Variants in TNS1 observed in about 807,000 individuals in gnomAD.
The protein encoded by TNS1 is tensin 1.
In TNS1, 62 loss-of-function variants were observed where a neutral mutation model predicts 168.6. That is an observed-to-expected ratio of 0.37 (90% CI 0.30 to 0.45). The LOEUF (loss-of-function observed/expected upper bound fraction) is 0.45. Among genes scored for constraint, TNS1 ranks in the 20% least tolerant of loss-of-function variants. The probability of loss-of-function intolerance (pLI) is 1.00; values close to 1 mark genes in which losing one functional copy is unlikely to be tolerated. For synonymous variants in TNS1, 934 were observed against 933.2 expected (o/e 1.00, Z -0.02); for missense variants, 2,240 against 2,339.4 (o/e 0.96, Z 0.88).
intron 3 of TNS1, among the ~76,000 whole-genome samples, chr2:217,971,197 C>G (rs534137075): frequency 1.7e-4 from 26 of 152,282 alleles, no homozygotes; most frequent in African/African-American, 5.8e-4. Flanking sequence ...CAATTCCATC[C>G]CCCAAGGAAG....
At chr2:217,978,943 G>C (rs1185407313) in intron 2 of TNS1, 141 bp from the exon 3 acceptor site, 1 of 657,530 alleles carries the variant, frequency 1.5e-6, no homozygotes, top group African/African-American at 1.8e-5. Flanking sequence ...AGGAGAGAGG[G>C]AGAGAGGGAG....
At chr2:217,922,947 T>A (rs1354182063) in intron 3 of TNS1, among the ~76,000 whole-genome samples, 1 of 151,984 alleles carries the variant, frequency 6.6e-6, no homozygotes, top group Non-Finnish European at 1.5e-5. Flanking sequence ...TCTTTTTTTT[T>A]AAGCAAAGAA....
chr2:217,978,699 C>T, intron 3 of TNS1, 66 bp downstream of exon 3: 1 of 687,876 alleles, frequency 1.5e-6, no homozygotes, highest in Middle Eastern at 2.6e-4. Context: ...GCCCCCGCTC[C>T]AATCTGGGAC....
rs1951901937 is a variant in TNS1 at position 217,893,100 on chromosome 2, T to C, written c.718-88A>G. The C allele has an allele frequency of 2.6e-6, 4 of 1,525,796 alleles. No homozygotes were observed. In the Admixed American group the frequency reaches 6.8e-5, roughly 26 times the overall value. 94.5% of individuals were successfully genotyped at this position (1,525,796 alleles called of 1,614,324 possible). The stretch of plus-strand genomic sequence containing the variant: ...ATCTAGAAGCCTTGGTGGAAAAGAG[T>C]CAGGGCTGGAGAGAGGGGTGTGGAT... On this transcript the variant is annotated intron_variant, in intron 10 of 32. Coordinates refer to ENST00000682258, the MANE Select transcript of TNS1 (RefSeq NM_001387777.1).
rs1413753652 is a variant in TNS1, at chr2:217,802,208, C to T, written c.*2251G>A. The T allele has an allele frequency of 3.9e-5, 6 of 152,182 alleles. 1 individual carries two copies. The highest frequency in any genetic ancestry group is 1.3e-4 in the Admixed American group (2 of 15,274). The allele number at this position is 152,182 out of a possible 1,614,324, so 9.4% of individuals were successfully genotyped here. On this transcript the variant is annotated 3_prime_UTR_variant, in exon 33 of 33. Transcript: ENST00000682258. Reference sequence around the variant, plus strand: ...GCTAGGGAATGAGGAGAGGGGGAAACCCAGATATTTGGCTTGAATAACCCA... The same window carrying T: ...GCTAGGGAATGAGGAGAGGGGGAAATCCAGATATTTGGCTTGAATAACCCA...
chr2:217,893,591 G>T (rs1275597965), intron 9 of TNS1, 30 bp from the exon 10 acceptor site: 1 of 1,583,962 alleles, frequency 6.3e-7, no homozygotes, highest in African/African-American at 1.3e-5. Context: ...TGAGAAGAGG[G>T]CAGAAGCCCT....
chr2:217,864,194 T>C (rs746820065), intron 18 of TNS1, among the ~76,000 whole-genome samples: 2 of 152,172 alleles, frequency 1.3e-5, no homozygotes, highest in African/African-American at 4.8e-5. Context: ...GCGCTTCTGC[T>C]TCTCCCCACC....
chr2:217,825,495 G>T (rs571298988), intron 22 of TNS1, among the ~76,000 whole-genome samples: 1 of 152,270 alleles, frequency 6.6e-6, no homozygotes, highest in Non-Finnish European at 1.5e-5. Flanking sequence ...TGCTCCATTG[G>T]AATGAACCAT....
At chr2:217,945,048 C>T (rs1360708880) in intron 3 of TNS1, among the ~76,000 whole-genome samples, 3 of 152,218 alleles carry the variant, frequency 2.0e-5, no homozygotes, top group Non-Finnish European at 2.9e-5. Context: ...GACCTCGGAG[C>T]ACAGAGGTGA....
At chr2:217,904,079 G>A (rs1384352579) in intron 6 of TNS1, among the ~76,000 whole-genome samples, 1 of 152,186 alleles carries the variant, frequency 6.6e-6, no homozygotes, top group Non-Finnish European at 1.5e-5. Flanking sequence ...CCAGAGATTG[G>A]TGACCAACCT....
At chr2:217,904,050 C>T (rs1208374592) in intron 6 of TNS1, among the ~76,000 whole-genome samples, 1 of 152,186 alleles carries the variant, frequency 6.6e-6, no homozygotes, top group Non-Finnish European at 1.5e-5. Context: ...AAGCGAACAC[C>T]AGGGGCCTTG....
rs1467761431 is a variant in TNS1 at position 217,821,722 on chromosome 2, T to C, written c.3572+18A>G. On this transcript the variant is annotated intron_variant, in intron 23 of 32. Coordinates refer to ENST00000682258, the MANE Select transcript of TNS1 (RefSeq NM_001387777.1). ...GCCCGGATTCCCATCCCCCACCCAC[T>C]GCCCCTTCCCGGCTTACCTGTCAGC... is the stretch of plus-strand genomic sequence containing the variant. 1 of 1,417,400 alleles carries C rather than the reference T, an allele frequency of 7.1e-7. No individual in the cohort carries two copies. Among genetic ancestry groups the C allele is most frequent in the South Asian group, 1.7e-5 (1 of 58,808 alleles). The allele number at this position is 1,417,400 out of a possible 1,614,324, so 87.8% of individuals were successfully genotyped here.
chr2:217,894,029 T>C (rs1952018290), intron 9 of TNS1, among the ~76,000 whole-genome samples: 1 of 152,164 alleles, frequency 6.6e-6, no homozygotes, highest in African/African-American at 2.4e-5. Flanking sequence ...GGCTGCCTGA[T>C]GTTCATGACT....
At chr2:218,025,602 C>T (rs993093740) in intron 1 of TNS1, among the ~76,000 whole-genome samples, 1 of 152,102 alleles carries the variant, frequency 6.6e-6, no homozygotes, top group Admixed American at 6.5e-5. Context: ...CCAGACCCCC[C>T]CACAGGCTTG....
chr2:217,973,716 C>T (rs1957826022), intron 3 of TNS1, among the ~76,000 whole-genome samples: 1 of 152,220 alleles, frequency 6.6e-6, no homozygotes, highest in Admixed American at 6.5e-5. Context: ...GTCATGGGGC[C>T]TGGATGTTGG....
At chr2:217,815,223 C>T (rs1003043353) in intron 24 of TNS1, 2 of 538,188 alleles carry the variant, frequency 3.7e-6, no homozygotes, top group Non-Finnish European at 6.7e-6. Context: ...GAGATACACA[C>T]AGGGGAGAGC....
chr2:217,821,702 G>A, intron 23 of TNS1, 38 bp downstream of exon 23: 2 of 1,406,878 alleles, frequency 1.4e-6, no homozygotes, highest in Non-Finnish European at 1.9e-6. Context: ...CCCAGGCCCG[G>A]ATTCCCATCC....
At chr2:217,898,052 C>A in intron 7 of TNS1, 83 bp from the exon 8 acceptor site, 2 of 1,416,494 alleles carry the variant, frequency 1.4e-6, no homozygotes, top group South Asian at 1.5e-5. Context: ...CCCATACACA[C>A]CCTGTGTGAC....
chr2:217,986,436 A>G lies in TNS1; in HGVS notation c.148+4506T>C, dbSNP rs999916375. On this transcript the variant is annotated intron_variant, in intron 2 of 32. Coordinates refer to ENST00000682258, the MANE Select transcript of TNS1 (RefSeq NM_001387777.1). The surrounding 1 kb of genome is among the most constrained non-coding windows in gnomAD (Gnocchi z 4.7). ...GAAGTTTTATCCAAGTCTGGGCCCC[A>G]GATCAGGCCCTGATGGCAGCCCTCG... 6.6e-6 allele frequency among the ~76,000 whole-genome samples: 1 copy of G among 152,226 alleles called. No individual in the cohort carries two copies. Among genetic ancestry groups the G allele is most frequent in the Non-Finnish European group, 1.5e-5 (1 of 68,040 alleles).
Sources: gnomAD v4.1 joint callset for allele counts (sites outside exome capture counted in the v4.1 genomes callset) on GRCh38, gnomAD v4.1.1 for gene constraint, Gnocchi (gnomAD v3.1) non-coding constraint, MANE v1.5 for transcripts, NCBI Gene and HGNC (gene_info 2026-07-23, HGNC 2026-07-21) for gene names.